NRXN1: variants seen among roughly 807,000 people sequenced by gnomAD.
NRXN1 encodes neurexin-1.
In NRXN1, 39 loss-of-function variants were observed where a neutral mutation model predicts 150.9. The ratio of observed to expected loss-of-function variants is 0.26; its 90% CI spans 0.20 to 0.34. NRXN1 has a LOEUF of 0.34. Ranked by LOEUF, NRXN1 falls within the 10% of genes least tolerant of loss-of-function variation. NRXN1 has a pLI of 1.00. For synonymous variants in NRXN1, 924 were observed against 757.0 expected, an observed-to-expected ratio of 1.22 and a Z score of -3.62; for missense variants, 1,815 against 1,949.9, an observed-to-expected ratio of 0.93 and a Z score of 1.30.
chr2:50,194,500 C>A (rs1047667205), intron 18 of NRXN1, among the ~76,000 whole-genome samples: 23 of 152,034 alleles, frequency 1.5e-4, no homozygotes, highest in South Asian at 2.1e-4. Flanking sequence ...CTTTAAAGTT[C>A]TTTACCCCCC....
chr2:50,203,477 T>C (rs2062337610), intron 18 of NRXN1, among the ~76,000 whole-genome samples: 1 of 152,162 alleles, frequency 6.6e-6, no homozygotes, highest in Non-Finnish European at 1.5e-5. Context: ...GCTGACTTTT[T>C]TATATACTGA....
At chr2:50,506,003 T>C (rs2092202508) in intron 13 of NRXN1, among the ~76,000 whole-genome samples, 1 of 151,890 alleles carries the variant, frequency 6.6e-6, no homozygotes, top group Non-Finnish European at 1.5e-5. Flanking sequence ...ATATTAGAAT[T>C]TAACCAACTG....
intron 5 of NRXN1, among the ~76,000 whole-genome samples, chr2:50,828,704 A>G (rs1490863032): frequency 2.0e-5 from 3 of 150,298 alleles, no homozygotes; most frequent in African/African-American, 7.4e-5. Context: ...CACTTCCTAG[A>G]TGGGATGGCG....
At chr2:50,480,191 G>A (rs990749242) in intron 15 of NRXN1, among the ~76,000 whole-genome samples, 2 of 152,154 alleles carry the variant, frequency 1.3e-5, no homozygotes, top group African/African-American at 2.4e-5. Flanking sequence ...TACATGACCA[G>A]TTTTAACTGA....
In NRXN1 at chr2:50,925,967, T is replaced by G; in HGVS notation, c.773-12A>C. On this transcript the variant is annotated splice_polypyrimidine_tract_variant and intron_variant, in intron 2 of 22. Transcript: ENST00000401669. ...CACATTGTTGTCTTCTGAAAGCACA[T>G]GACAAGGAGGGAGAGAAAAGGAAAA... The G allele has an allele frequency of 6.4e-7, 1 of 1,571,068 alleles. No homozygotes were observed.
intron 18 of NRXN1, among the ~76,000 whole-genome samples, chr2:50,132,678 T>G (rs1213546219): frequency 1.3e-5 from 2 of 152,078 alleles, no homozygotes; most frequent in African/African-American, 4.8e-5. Context: ...CTTGGCCATG[T>G]ATTGCTTCAG....
Position 49,976,189 on chromosome 2 carries a change from A to AT in NRXN1, c.4129-32399dup, listed in dbSNP as rs11296883. ...AGGAGAGTGCCACCACGCCCAGCTA[A>AT]TTTTTTTTTTTTTTTGTATTTTTAG... On this transcript the variant is annotated intron_variant, in intron 21 of 22. Coordinates refer to ENST00000401669, the MANE Select transcript of NRXN1 (RefSeq NM_001330078.2). 1.2e-3 allele frequency among the ~76,000 whole-genome samples: 175 copies of AT among 142,906 alleles called. 1 individual carries two copies. Among genetic ancestry groups the AT allele is most frequent in the East Asian group, 4.9e-3 (24 of 4,856 alleles). 93.8% of individuals were successfully genotyped at this position (142,906 alleles called of 152,430 possible).
chr2:50,381,135 G>C (rs2103665717), intron 17 of NRXN1, among the ~76,000 whole-genome samples: 1 of 152,134 alleles, frequency 6.6e-6, no homozygotes, highest in African/African-American at 2.4e-5. Flanking sequence ...TGAATGAATG[G>C]AACATGGATA....
chr2:50,175,699 G>C (rs572397187), intron 18 of NRXN1, among the ~76,000 whole-genome samples: 1 of 152,068 alleles, frequency 6.6e-6, no homozygotes, highest in Non-Finnish European at 1.5e-5. Context: ...TTAATTTTAT[G>C]TATAAGAGAT....
At chr2:50,807,658 T>A (rs1026695824) in intron 5 of NRXN1, among the ~76,000 whole-genome samples, 1 of 152,132 alleles carries the variant, frequency 6.6e-6, no homozygotes, top group Non-Finnish European at 1.5e-5. Context: ...TCTGAACTCC[T>A]TTCCTTGCTC....
intron 9 of NRXN1, among the ~76,000 whole-genome samples, chr2:50,541,464 G>A (rs2093387212): frequency 6.6e-6 from 1 of 152,154 alleles, no homozygotes; most frequent in Non-Finnish European, 1.5e-5. Context: ...CAGTTTGTCT[G>A]ACAGTAAGGA....
At chr2:50,445,625 G>A (rs1323548876) in intron 17 of NRXN1, among the ~76,000 whole-genome samples, 2 of 152,176 alleles carry the variant, frequency 1.3e-5, no homozygotes, top group Non-Finnish European at 2.9e-5. Context: ...TAGTGTATTA[G>A]GATACATGGG....
intron 17 of NRXN1, among the ~76,000 whole-genome samples, chr2:50,372,567 A>G (rs139241315): frequency 2.6e-3 from 393 of 152,266 alleles, no homozygotes; most frequent in African/African-American, 9.0e-3. Flanking sequence ...GAAACAAAGA[A>G]CAAAAAACCT....
rs550649442 is a variant in NRXN1, at chr2:50,671,661, G to C, written c.833-48046C>G. On this transcript the variant is annotated intron_variant, in intron 5 of 22. Coordinates refer to ENST00000401669, the MANE Select transcript of NRXN1 (RefSeq NM_001330078.2). Reference sequence around the variant, plus strand: ...GCTGGCCTTGAGGAAAAGCTTTTTTGTATTTAAATGTAATGACACATTTTA... The same window carrying C: ...GCTGGCCTTGAGGAAAAGCTTTTTTCTATTTAAATGTAATGACACATTTTA... Among the ~76,000 whole-genome samples the C allele has an allele frequency of 2.6e-5, 4 of 151,746 alleles. No individual in the cohort carries two copies. In the South Asian group the frequency reaches 6.2e-4, roughly 24 times the overall value.
At chr2:50,471,899 T>C (rs1208733855) in intron 16 of NRXN1, among the ~76,000 whole-genome samples, 2 of 151,718 alleles carry the variant, frequency 1.3e-5, no homozygotes, top group Non-Finnish European at 2.9e-5. Context: ...ACAAAAAGAA[T>C]GTAGATTTTT....
At chr2:49,937,912 T>C (rs987013214) in intron 22 of NRXN1, among the ~76,000 whole-genome samples, 9 of 152,230 alleles carry the variant, frequency 5.9e-5, no homozygotes, top group Non-Finnish European at 1.3e-4. Context: ...ACTTATTTAA[T>C]GAAAAGGTGC....
At chr2:50,845,346 A>G (rs983329685) in intron 5 of NRXN1, among the ~76,000 whole-genome samples, 14 of 152,154 alleles carry the variant, frequency 9.2e-5, no homozygotes, top group Non-Finnish European at 1.6e-4. Flanking sequence ...ATTAGAATAT[A>G]CTGTCACTCT....
rs552602782 is a variant in NRXN1 at position 50,639,873 on chromosome 2, C to A, written c.833-16258G>T. Reference sequence around the variant, plus strand: ...TTTTCATATGTATTATTATAAAATTCTTTGACTCAAATGTTCGAATATTCC... The same window carrying A: ...TTTTCATATGTATTATTATAAAATTATTTGACTCAAATGTTCGAATATTCC... On this transcript the variant is annotated intron_variant, in intron 5 of 22. Coordinates refer to ENST00000401669, the MANE Select transcript of NRXN1 (RefSeq NM_001330078.2). Among the ~76,000 whole-genome samples, 5 of 152,158 alleles carry A rather than the reference C, an allele frequency of 3.3e-5. No individual in the cohort carries two copies. The South Asian group carries it at 1.0e-3, about 32-fold the overall frequency.
chr2:50,343,300 C>T (rs1558563235), intron 17 of NRXN1, among the ~76,000 whole-genome samples: 1 of 152,216 alleles, frequency 6.6e-6, no homozygotes, highest in South Asian at 2.1e-4. Flanking sequence ...AAGCATTTCA[C>T]TGACATCATT....
Sources: gnomAD v4.1 joint callset for allele counts (sites outside exome capture counted in the v4.1 genomes callset) on GRCh38, gnomAD v4.1.1 for gene constraint, MANE v1.5 for transcripts, NCBI Gene and HGNC (gene_info 2026-07-23, HGNC 2026-07-21) for gene names.